The following PPFIA4 variants were observed in gnomAD, a reference collection of about 807,000 sequenced individuals.
The protein encoded by PPFIA4 is liprin-alpha-4.
Under a neutral mutation model 145.7 loss-of-function variants are expected in PPFIA4, and 98 were observed. The ratio of observed to expected loss-of-function variants is 0.67; its 90% CI spans 0.57 to 0.80. PPFIA4 has a LOEUF of 0.80. Among genes scored for constraint, PPFIA4 ranks in the 30% least tolerant of loss-of-function variants. PPFIA4 has a pLI of 0.00. For synonymous variants in PPFIA4, 628 were observed against 649.6 expected (o/e 0.97, Z 0.51); for missense variants, 1,457 against 1,632.7 (o/e 0.89, Z 1.85).
chr1:203,055,605 G>A lies in PPFIA4; in HGVS notation c.2003G>A (p.Arg668His), dbSNP rs201596663. ...LASASPPLSG[R>H]STPKLTSRSA... Reference sequence around the variant, plus strand: ...AGCGCGTCCCCACCACTCAGCGGCCGCTCCACACCTAAGCTCACCTCCCGC... The same window carrying A: ...AGCGCGTCCCCACCACTCAGCGGCCACTCCACACCTAAGCTCACCTCCCGC... Residue 668 changes from arginine to histidine, a missense_variant, in exon 16 of 30, where the codon CGC becomes CAC. Arg to His is a conservative substitution (Grantham distance 29, BLOSUM62 0). Around this residue, in one of 3 missense-constraint regions of PPFIA4, gnomAD observed 848 missense variants for 1,046.7 expected, o/e 0.81. Transcript: ENST00000295706. The surrounding 1 kb of genome is among the most constrained non-coding windows in gnomAD (Gnocchi z 4.8). The A allele has an allele frequency of 7.4e-5, 119 of 1,613,978 alleles. No individual in the cohort carries two copies. In the East Asian group the frequency reaches 2.3e-3, roughly 31 times the overall value.
chr1:203,051,933 T>A, intron 14 of PPFIA4, 56 bp downstream of exon 14: 1 of 1,567,778 alleles, frequency 6.4e-7, no homozygotes, highest in Non-Finnish European at 8.7e-7. Flanking sequence ...GCCGCGTGCC[T>A]GGCTCCAGTT....
chr1:203,048,211 C>T lies in PPFIA4; in HGVS notation c.1141-16C>T. 2.5e-6 allele frequency: 4 copies of T among 1,611,846 alleles called. No homozygotes were observed. The highest frequency in any genetic ancestry group is 3.4e-6 in the Non-Finnish European group (4 of 1,179,252). On this transcript the variant is annotated splice_polypyrimidine_tract_variant and intron_variant, in intron 9 of 29. Coordinates refer to ENST00000295706, the MANE Select transcript of PPFIA4 (RefSeq NM_001304331.2). This position sits in a 1 kb window ranked among gnomAD's most constrained non-coding sequence, Gnocchi z 5.8. ...ACAGAGATCTGCGGGCTGCACCGAC[C>T]CATCCCTGCCCCTAGGCTGAAGAAC...
At chr1:203,052,183 G>C (rs557323647) in intron 14 of PPFIA4, among the ~76,000 whole-genome samples, 1 of 151,702 alleles carries the variant, frequency 6.6e-6, no homozygotes, top group African/African-American at 2.4e-5. Flanking sequence ...GGTCGGGCGT[G>C]GGGGGTGGGG....
chr1:203,051,013 C>T (rs1170012856), intron 13 of PPFIA4, among the ~76,000 whole-genome samples: 2 of 152,000 alleles, frequency 1.3e-5, no homozygotes, highest in Non-Finnish European at 2.9e-5. Flanking sequence ...CCAGTGACCT[C>T]GTATGGTCTG....
chr1:203,052,538 T>A (rs1660608296), intron 14 of PPFIA4, among the ~76,000 whole-genome samples: 1 of 152,132 alleles, frequency 6.6e-6, no homozygotes, highest in Admixed American at 6.5e-5. Flanking sequence ...GAAGATTCAC[T>A]CTGCCCTTAA....
At chr1:203,051,153 C>T (rs1660475639) in intron 13 of PPFIA4, 5 of 985,264 alleles carry the variant, frequency 5.1e-6, no homozygotes, top group Non-Finnish European at 4.8e-6. Context: ...CCTAAAATCT[C>T]AGGGTTGGAA....
At chr1:203,052,379 A>G (rs560240576) in intron 14 of PPFIA4, among the ~76,000 whole-genome samples, 22 of 152,102 alleles carry the variant, frequency 1.4e-4, no homozygotes, top group Admixed American at 5.2e-4. Flanking sequence ...GAGGAAAGAT[A>G]TGGGGCAGAA....
intron 14 of PPFIA4, among the ~76,000 whole-genome samples, chr1:203,052,187 G>C (rs372693462): frequency 4.1e-4 from 62 of 151,692 alleles, no homozygotes; most frequent in Middle Eastern, 3.4e-3. Flanking sequence ...GGGCGTGGGG[G>C]GTGGGGGAGC....
At chr1:203,046,590 GT>G (rs1448341335) in intron 9 of PPFIA4, 11 of 496,586 alleles carry the variant, frequency 2.2e-5, no homozygotes, top group Non-Finnish European at 3.5e-5. Context: ...GGATGTGACA[GT>G]CTCATAAGAA....
chr1:203,029,687 C>G (rs1369069628), intron 1 of PPFIA4, among the ~76,000 whole-genome samples: 1 of 152,214 alleles, frequency 6.6e-6, no homozygotes, highest in Non-Finnish European at 1.5e-5. Flanking sequence ...TAACCTGGAG[C>G]AGCGAAGCCT....
At chr1:203,035,199 C>G (rs754379802) in intron 1 of PPFIA4, 2 of 429,012 alleles carry the variant, frequency 4.7e-6, no homozygotes, top group South Asian at 3.2e-5. Context: ...CCTGGAGGCT[C>G]CCTTTTTGCC....
chr1:203,065,513 C>T lies in PPFIA4; in HGVS notation c.3050+1510C>T, dbSNP rs973936291. Among the ~76,000 whole-genome samples the T allele has an allele frequency of 2.0e-5, 3 of 152,272 alleles. No individual in the cohort carries two copies. The East Asian group carries it at 5.8e-4, about 29-fold the overall frequency. On this transcript the variant is annotated intron_variant, in intron 25 of 29. Coordinates refer to ENST00000295706, the MANE Select transcript of PPFIA4 (RefSeq NM_001304331.2). ...CCCCAGCCAGGACTATGGAAATCCT[C>T]CCCGCAACCCCTCTGCCCCATCCCC...
chr1:203,037,236 G>T, intron 1 of PPFIA4: 1 of 329,718 alleles, frequency 3.0e-6, no homozygotes, highest in Non-Finnish European at 6.4e-6. Flanking sequence ...TCTTTTCCCT[G>T]CTGGGTTCAG....
At chr1:203,071,589 T>C (rs1406660311) in intron 27 of PPFIA4, 103 bp from the exon 28 acceptor site, 3 of 898,546 alleles carry the variant, frequency 3.3e-6, no homozygotes, top group Non-Finnish European at 3.6e-6. Context: ...CACTGGAGCC[T>C]TGCATCTCTG....
intron 1 of PPFIA4, among the ~76,000 whole-genome samples, chr1:203,037,754 C>A (rs920638849): frequency 6.6e-6 from 1 of 152,172 alleles, no homozygotes; most frequent in Non-Finnish European, 1.5e-5. Flanking sequence ...GTAATGACGC[C>A]AAGAGAGCAG....
At chr1:203,065,387 C>T (rs11809571) in intron 25 of PPFIA4, among the ~76,000 whole-genome samples, 5,693 of 152,116 alleles carry the variant, frequency 0.037, 364 homozygotes, top group African/African-American at 0.13. Context: ...GGCCCAGCTG[C>T]ACCTGTCCCC....
In PPFIA4 at chr1:203,048,542, C is replaced by T. The variant is rs1401059403; in HGVS notation, c.1225-41C>T. ...AACCCCAGCAGGAGAGGGTGGTCCT[C>T]CCTGGGAGGGCGGCCTGGTGCGAGG... is the stretch of plus-strand genomic sequence containing the variant. On this transcript the variant is annotated intron_variant, in intron 10 of 29. Transcript: ENST00000295706. This position sits in a 1 kb window ranked among gnomAD's most constrained non-coding sequence, Gnocchi z 5.8. 7 of 1,555,822 alleles carry T rather than the reference C, an allele frequency of 4.5e-6. No individual in the cohort carries two copies. The South Asian group carries it at 7.1e-5, about 16-fold the overall frequency.
In PPFIA4 at chr1:203,060,167, G is replaced by A. The variant is rs1448431881; in HGVS notation, c.2584-50G>A. On this transcript the variant is annotated intron_variant, in intron 21 of 29. Coordinates refer to ENST00000295706, the MANE Select transcript of PPFIA4 (RefSeq NM_001304331.2). The surrounding 1 kb of genome is among the most constrained non-coding windows in gnomAD (Gnocchi z 4.8). ...TGCCCCTTGCTGTTGCCAAACTCTT[G>A]GTGGTAGGGCCCAGGCCTTGAATTA... The A allele has an allele frequency of 6.3e-7, 1 of 1,584,522 alleles. No homozygotes were observed. The highest frequency in any genetic ancestry group is 8.6e-7 in the Non-Finnish European group (1 of 1,160,660).
At chr1:203,057,140 G>C (rs2102664212) in intron 19 of PPFIA4, among the ~76,000 whole-genome samples, 190 bp downstream of exon 19, 1 of 152,340 alleles carries the variant, frequency 6.6e-6, no homozygotes, top group Middle Eastern at 3.4e-3. Context: ...TGCCTTGTGA[G>C]GGGGTAAGCT....
Sources: allele counts gnomAD v4.1 joint callset (sites outside exome capture counted in the v4.1 genomes callset), GRCh38; gene constraint gnomAD v4.1.1; regional missense constraint gnomAD v4.1.1; non-coding constraint Gnocchi (gnomAD v3.1); transcripts MANE v1.5; gene names NCBI Gene and HGNC (gene_info 2026-07-23, HGNC 2026-07-21).